The following FILIP1 variants were observed in gnomAD, a reference collection of about 807,000 sequenced individuals.
FILIP1 encodes the protein filamin-A-interacting protein 1.
Under a neutral mutation model 102.1 loss-of-function variants are expected in FILIP1, and 61 were observed. That is an observed-to-expected ratio of 0.60 (90% confidence interval 0.49 to 0.74). The LOEUF (loss-of-function observed/expected upper bound fraction) is 0.74. Ranked by LOEUF, FILIP1 falls within the 30% of genes least tolerant of loss-of-function variation. The pLI is 0.00. For synonymous variants in FILIP1, 491 were observed against 526.9 expected, an observed-to-expected ratio of 0.93 and a Z score of 0.93; for missense variants, 1,314 against 1,441.2, an observed-to-expected ratio of 0.91 and a Z score of 1.43.
intron 2 of FILIP1, among the ~76,000 whole-genome samples, chr6:75,381,766 A>G (rs1775912163): frequency 6.6e-6 from 1 of 152,142 alleles, no homozygotes; most frequent in Non-Finnish European, 1.5e-5. Context: ...AAAAACAACC[A>G]ATTCTTACAT....
intron 2 of FILIP1, among the ~76,000 whole-genome samples, chr6:75,388,349 T>C (rs1356069009): frequency 6.6e-6 from 1 of 152,108 alleles, no homozygotes; most frequent in Non-Finnish European, 1.5e-5. Context: ...GCTTAGGATT[T>C]TCTTGGCTAT....
intron 4 of FILIP1, among the ~76,000 whole-genome samples, chr6:75,322,908 G>A (rs1265998954): frequency 6.6e-6 from 1 of 152,078 alleles, no homozygotes; most frequent in Non-Finnish European, 1.5e-5. Flanking sequence ...CGGCCAGGCT[G>A]GTCTAAAACT....
chr6:75,462,747 T>C (rs1779061518), intron 1 of FILIP1, among the ~76,000 whole-genome samples: 1 of 152,186 alleles, frequency 6.6e-6, no homozygotes. Flanking sequence ...CTGTGTTTAC[T>C]CTCCTGTTAA....
At chr6:75,379,768 C>T (rs960975408) in intron 2 of FILIP1, among the ~76,000 whole-genome samples, 2 of 152,160 alleles carry the variant, frequency 1.3e-5, no homozygotes, top group Admixed American at 1.3e-4. Context: ...GTGTGCTCTC[C>T]CATCTTCTTT....
intron 4 of FILIP1, among the ~76,000 whole-genome samples, chr6:75,326,357 AG>A (rs1365921162): frequency 1.3e-5 from 2 of 152,136 alleles, no homozygotes; most frequent in Non-Finnish European, 2.9e-5. Flanking sequence ...GAAGTGGGGT[AG>A]AGGGGTAAAA....
chr6:75,319,890 T>G (rs1358992023), intron 4 of FILIP1: 1 of 462,812 alleles, frequency 2.2e-6, no homozygotes, highest in African/African-American at 2.1e-5. Flanking sequence ...CCTGGGTGCT[T>G]CTTCTTATGC....
At chr6:75,473,054 G>A (rs1194762317) in intron 1 of FILIP1, among the ~76,000 whole-genome samples, 3 of 152,242 alleles carry the variant, frequency 2.0e-5, no homozygotes, top group African/African-American at 7.2e-5. Flanking sequence ...TGTGGGTATG[G>A]TAGAGCAAAG....
chr6:75,475,903 T>G (rs1779461046), intron 1 of FILIP1, among the ~76,000 whole-genome samples: 1 of 152,184 alleles, frequency 6.6e-6, no homozygotes, highest in African/African-American at 2.4e-5. Flanking sequence ...TTATTATCTG[T>G]CATTTACTTT....
At chr6:75,424,993 G>T (rs1292327906) in intron 1 of FILIP1, among the ~76,000 whole-genome samples, 1 of 152,116 alleles carries the variant, frequency 6.6e-6, no homozygotes, top group African/African-American at 2.4e-5. Flanking sequence ...TGTAATGTAT[G>T]AACTCAAGTT....
At chr6:75,465,359 GC>G (rs1346237395) in intron 1 of FILIP1, 2 of 441,134 alleles carry the variant, frequency 4.5e-6, no homozygotes, top group African/African-American at 2.1e-5. Flanking sequence ...ACCAGAAGCA[GC>G]CCTTTTGTAA....
intron 1 of FILIP1, among the ~76,000 whole-genome samples, chr6:75,423,552 G>A (rs530628547): frequency 2.0e-5 from 3 of 152,238 alleles, no homozygotes; most frequent in East Asian, 1.9e-4. Flanking sequence ...CAGCGATACC[G>A]TTACATCTGA....
At chr6:75,355,577 A>G (rs995590425) in intron 3 of FILIP1, among the ~76,000 whole-genome samples, 2 of 151,800 alleles carry the variant, frequency 1.3e-5, no homozygotes, top group African/African-American at 4.8e-5. Flanking sequence ...TAATTTTTGT[A>G]TTTTTAGTAG....
At chr6:75,460,356 C>T (rs1039295457) in intron 1 of FILIP1, among the ~76,000 whole-genome samples, 2 of 152,160 alleles carry the variant, frequency 1.3e-5, no homozygotes, top group African/African-American at 4.8e-5. Flanking sequence ...TAAAGGTATT[C>T]GGCTCTTAAT....
intron 1 of FILIP1, chr6:75,473,695 A>G (rs1190825997): frequency 6.6e-6 from 1 of 152,236 alleles, no homozygotes; most frequent in Non-Finnish European, 1.5e-5. Context: ...TATTTGGGAC[A>G]ACGTATAACA....
intron 1 of FILIP1, chr6:75,458,294 C>T (rs1243652751): frequency 6.6e-6 from 1 of 152,104 alleles, no homozygotes; most frequent in Non-Finnish European, 1.5e-5. Flanking sequence ...CAGCACATCA[C>T]AACAAAGAAT....
chr6:75,320,174 G>A (rs769276922), intron 4 of FILIP1, among the ~76,000 whole-genome samples: 2 of 152,164 alleles, frequency 1.3e-5, no homozygotes, highest in Admixed American at 6.5e-5. Context: ...GCCCCCTTGC[G>A]TAATGCCTGA....
At position 75,471,117 on chromosome 6, in the gene FILIP1, AC is replaced by A. The variant is rs537591464; in HGVS notation, c.-7+22296del. On this transcript the variant is annotated intron_variant, in intron 1 of 5. Transcript: ENST00000237172. ...GGAGGTTGCAGTGAACGGAGATCAC[AC>A]CACTGCACTCCAACCTGGGTGACAG... Among the ~76,000 whole-genome samples, 344 of 147,446 alleles carry A rather than the reference AC, an allele frequency of 2.3e-3. 1 individual carries two copies. Among genetic ancestry groups the A allele is most frequent in the Non-Finnish European group, 3.9e-3 (263 of 67,158 alleles).
rs1775583477 is a variant in FILIP1 at position 75,372,685 on chromosome 6, GAGAAAGAAAGAGAAAGAAAGAAAGAAA to G, written c.277-9795_277-9769del. The stretch of plus-strand genomic sequence containing the variant: ...AGAAAGAAAGAAAGAAAGAAAGAAA[GAGAAAGAAAGAGAAAGAAAGAAAGAAA>G]GGAAAGAAAGAGAAAGAGAAAGAAA... On this transcript the variant is annotated intron_variant, in intron 2 of 5. Coordinates refer to ENST00000237172, the MANE Select transcript of FILIP1 (RefSeq NM_015687.5). Among the ~76,000 whole-genome samples the G allele has an allele frequency of 8.5e-4, 20 of 23,480 alleles. 2 individuals carry two copies. The highest frequency in any genetic ancestry group is 4.0e-3 in the Admixed American group (10 of 2,472). The allele number at this position is 23,480 out of a possible 152,430, so 15.4% of individuals were successfully genotyped here.
At chr6:75,484,512 G>C (rs1582574078) in intron 1 of FILIP1, among the ~76,000 whole-genome samples, 2 of 152,196 alleles carry the variant, frequency 1.3e-5, no homozygotes, top group East Asian at 3.9e-4. Flanking sequence ...CTCAATATTG[G>C]ATGCGAATTA....
Sources: gnomAD v4.1 joint callset for allele counts (sites outside exome capture counted in the v4.1 genomes callset) on GRCh38, gnomAD v4.1.1 for gene constraint, MANE v1.5 for transcripts, NCBI Gene and HGNC (gene_info 2026-07-23, HGNC 2026-07-21) for gene names.